The following HYKK variants were observed in gnomAD, a reference collection of about 807,000 sequenced individuals.
HYKK encodes 5-hydroxy-L-lysine kinase.
A neutral mutation model predicts 29.7 loss-of-function variants in HYKK; 19 were observed. The ratio of observed to expected loss-of-function variants is 0.64; its 90% CI spans 0.45 to 0.94. The LOEUF (loss-of-function observed/expected upper bound fraction) is 0.94, where lower values mean the gene tolerates loss of function less well. Ranked by LOEUF, HYKK falls within the 40% of genes least tolerant of loss-of-function variation. The probability of loss-of-function intolerance (pLI) is 0.00; values close to 1 mark genes in which losing one functional copy is unlikely to be tolerated. For synonymous variants in HYKK, 152 were observed against 158.1 expected (o/e 0.96, Z 0.29); for missense variants, 390 against 443.4 (o/e 0.88, Z 1.08).
chr15:78,525,501 A>T (rs1431590108), intron 3 of HYKK, among the ~76,000 whole-genome samples: 1 of 143,114 alleles, frequency 7.0e-6, no homozygotes, highest in East Asian at 2.1e-4. Flanking sequence ...TTTATTTTTT[A>T]TATATATATT....
intron 3 of HYKK, among the ~76,000 whole-genome samples, chr15:78,519,055 G>A (rs2052165161): frequency 6.6e-6 from 1 of 151,644 alleles, no homozygotes; most frequent in Non-Finnish European, 1.5e-5. Flanking sequence ...AAGAAAACCA[G>A]ATAAAAATAC....
At chr15:78,520,779 C>T (rs1327028566) in intron 3 of HYKK, among the ~76,000 whole-genome samples, 4 of 152,036 alleles carry the variant, frequency 2.6e-5, no homozygotes, top group East Asian at 1.9e-4. Flanking sequence ...GGGTGGTGGC[C>T]GGGCAGAGGG....
At position 78,512,680 on chromosome 15, in the gene HYKK, G is replaced by A. The variant is rs1442820251; in HGVS notation, c.-5-404G>A. Among the ~76,000 whole-genome samples the A allele has an allele frequency of 6.6e-5, 10 of 152,130 alleles. No individual in the cohort carries two copies. In the East Asian group the frequency reaches 1.9e-3, roughly 29 times the overall value. ...GCCTCCCAAAGTGCTGGGATTACAGGCTCGAGCCACCACGTCCAGCCCCAG... is the reference window on the plus strand; with the variant it reads ...GCCTCCCAAAGTGCTGGGATTACAGACTCGAGCCACCACGTCCAGCCCCAG... On this transcript the variant is annotated intron_variant, in intron 1 of 4. Coordinates refer to ENST00000388988, the MANE Select transcript of HYKK (RefSeq NM_001013619.4).
At chr15:78,528,850 A>G in intron 4 of HYKK, 1 of 984,388 alleles carries the variant, frequency 1.0e-6, no homozygotes, top group Non-Finnish European at 1.2e-6. Context: ...TCAAGGCCTA[A>G]GATAGGCAGT....
At chr15:78,511,626 G>A (rs2052073900) in intron 1 of HYKK, among the ~76,000 whole-genome samples, 1 of 152,136 alleles carries the variant, frequency 6.6e-6, no homozygotes, top group Admixed American at 6.6e-5. Flanking sequence ...CTAGGAGGCT[G>A]AGGTTCAGGA....
intron 3 of HYKK, among the ~76,000 whole-genome samples, chr15:78,519,174 C>T (rs182290563): frequency 6.6e-6 from 1 of 152,274 alleles, no homozygotes; most frequent in East Asian, 1.9e-4. Flanking sequence ...ACTTGGTGCT[C>T]AGCATATGTT....
In HYKK at chr15:78,533,699, C is replaced by CT. The variant is rs768144305; in HGVS notation, c.*32dup. 1 of 1,532,134 alleles carries CT rather than the reference C, an allele frequency of 6.5e-7. No homozygotes were observed. Among genetic ancestry groups the CT allele is most frequent in the Non-Finnish European group, 9.0e-7 (1 of 1,112,354 alleles). The allele number at this position is 1,532,134 out of a possible 1,614,324, so 94.9% of individuals were successfully genotyped here. ...AGATCTCCATGTGACTCAAAGTTCA[C>CT]TTTAACTTGGGTAATTAAAATAGGA... is the stretch of plus-strand genomic sequence containing the variant. On this transcript the variant is annotated 3_prime_UTR_variant, in exon 5 of 5. Transcript: ENST00000388988.
Position 78,533,387 on chromosome 15 carries a change from C to T in HYKK, c.839C>T (p.Pro280Leu). ...IMYMMIESKSPIQVGGHVLAG... is the reference protein window; with the variant it reads ...IMYMMIESKSLIQVGGHVLAG... ...TACATGATGATTGAGAGCAAGAGTCCTATACAAGTAGGAGGCCATGTCCTT... is the reference window on the plus strand; with the variant it reads ...TACATGATGATTGAGAGCAAGAGTCTTATACAAGTAGGAGGCCATGTCCTT... Residue 280 changes from proline to leucine, a missense_variant, in exon 5 of 5, where the codon CCT (proline) becomes CTT (leucine). Transcript: ENST00000388988. The T allele has an allele frequency of 1.9e-6, 3 of 1,614,172 alleles. No individual in the cohort carries two copies. The highest frequency in any genetic ancestry group is 2.5e-6 in the Non-Finnish European group (3 of 1,180,000).
At chr15:78,520,726 C>G (rs1241613905) in intron 3 of HYKK, among the ~76,000 whole-genome samples, 1 of 152,210 alleles carries the variant, frequency 6.6e-6, no homozygotes, top group Non-Finnish European at 1.5e-5. Flanking sequence ...CCATTGTCAT[C>G]ATGGCCCGTT....
intron 3 of HYKK, among the ~76,000 whole-genome samples, chr15:78,520,941 ACGGGG>A (rs1278021689): frequency 1.2e-4 from 18 of 151,324 alleles, no homozygotes; most frequent in South Asian, 4.2e-4. Flanking sequence ...TCCCTCCCGG[ACGGGG>A]CAGCTGGCCG....
At chr15:78,525,078 C>T (rs1472403489) in intron 3 of HYKK, among the ~76,000 whole-genome samples, 1 of 152,114 alleles carries the variant, frequency 6.6e-6, no homozygotes, top group Non-Finnish European at 1.5e-5. Flanking sequence ...AGAGAATTAT[C>T]AGGGGAAGGT....
intron 2 of HYKK, among the ~76,000 whole-genome samples, 155 bp downstream of exon 2, chr15:78,513,580 T>A (rs1406436248): frequency 6.6e-6 from 1 of 152,118 alleles, no homozygotes; most frequent in African/African-American, 2.4e-5. Context: ...TTAGAGGTGG[T>A]TGTGTTTTCG....
At chr15:78,520,672 C>A (rs967786456) in intron 3 of HYKK, among the ~76,000 whole-genome samples, 1 of 152,198 alleles carries the variant, frequency 6.6e-6, no homozygotes. Context: ...TCCGATTTCT[C>A]AATGTTTTCC....
intron 4 of HYKK, among the ~76,000 whole-genome samples, chr15:78,529,266 A>G (rs1438772540): frequency 6.6e-6 from 1 of 152,224 alleles, no homozygotes; most frequent in Non-Finnish European, 1.5e-5. Flanking sequence ...TTATAACTCT[A>G]GAATATTGTA....
chr15:78,531,772 C>A (rs1410519687), intron 4 of HYKK, among the ~76,000 whole-genome samples: 1 of 152,192 alleles, frequency 6.6e-6, no homozygotes, highest in African/African-American at 2.4e-5. Flanking sequence ...CTCAAGCAAT[C>A]CACCTGCCTT....
rs1208508968 is a variant in HYKK, at chr15:78,507,647, A to T, written c.-30A>T. The T allele has an allele frequency of 1.3e-5, 2 of 152,158 alleles. No homozygotes were observed. The highest frequency in any genetic ancestry group is 4.8e-5 in the African/African-American group (2 of 41,418). 9.4% of individuals were successfully genotyped at this position (152,158 alleles called of 1,614,324 possible). A position where few individuals can be genotyped will look rare whatever the true frequency, so the allele number is the denominator to read the frequency against. ...ACCTGTCTGCGGGAAAGCGGGATCC[A>T]CCCCAGGACGTCGGGTCGCTGCCGG... On this transcript the variant is annotated 5_prime_UTR_variant, in exon 1 of 5. Coordinates refer to ENST00000388988, the MANE Select transcript of HYKK (RefSeq NM_001013619.4).
chr15:78,516,394 G>A (rs2052133522), intron 3 of HYKK, among the ~76,000 whole-genome samples: 2 of 140,384 alleles, frequency 1.4e-5, no homozygotes, highest in Non-Finnish European at 3.0e-5. Context: ...CTCCTAGGCT[G>A]GAGTGCAGTG....
chr15:78,517,390 C>G (rs1250857861), intron 3 of HYKK, among the ~76,000 whole-genome samples: 2 of 151,960 alleles, frequency 1.3e-5, no homozygotes, highest in Admixed American at 1.3e-4. Flanking sequence ...GCTAGCCTGG[C>G]CCACATGGCA....
rs190047623 is a variant in HYKK, at chr15:78,518,529, A to G, written c.477+3422A>G. ...CACTGTTTTTCATTGCCTAACGTCTAATAACTTGAAAACCAGTGTTTAACG... is the reference window on the plus strand; with the variant it reads ...CACTGTTTTTCATTGCCTAACGTCTGATAACTTGAAAACCAGTGTTTAACG... On this transcript the variant is annotated intron_variant, in intron 3 of 4. Coordinates refer to ENST00000388988, the MANE Select transcript of HYKK (RefSeq NM_001013619.4). 19 of 452,940 alleles carry G rather than the reference A, an allele frequency of 4.2e-5. No homozygotes were observed. In the East Asian group the frequency reaches 1.3e-3, roughly 30 times the overall value. The allele number at this position is 452,940 out of a possible 1,614,324, so 28.1% of individuals were successfully genotyped here.
Sources: allele counts gnomAD v4.1 joint callset (sites outside exome capture counted in the v4.1 genomes callset), GRCh38; gene constraint gnomAD v4.1.1; transcripts MANE v1.5; gene names NCBI Gene and HGNC (gene_info 2026-07-23, HGNC 2026-07-21).